The following L3MBTL4 variants were observed in gnomAD, a reference collection of about 807,000 sequenced individuals.
L3MBTL4 encodes L3MBTL histone methyl-lysine binding protein 4, also known as lethal(3)malignant brain tumor-like protein 4.
Under a neutral mutation model 84.5 loss-of-function variants are expected in L3MBTL4, and 70 were observed. The ratio of observed to expected loss-of-function variants is 0.83; its 90% confidence interval spans 0.68 to 1.01. The LOEUF (loss-of-function observed/expected upper bound fraction) is 1.01, where lower values mean the gene tolerates loss of function less well. Among genes scored for constraint, L3MBTL4 ranks in the 50% least tolerant of loss-of-function variants. L3MBTL4 has a pLI of 0.00. For missense variants in L3MBTL4, 715 were observed against 754.8 expected (o/e 0.95, Z 0.62); for synonymous variants, 274 against 259.8 (o/e 1.05, Z -0.52).
chr18:6,302,302 C>T (rs946689933), intron 3 of L3MBTL4, among the ~76,000 whole-genome samples: 9 of 152,180 alleles, frequency 5.9e-5, no homozygotes, highest in South Asian at 2.1e-4. Flanking sequence ...TGGTCCTCAC[C>T]GAAGCCAAGC....
chr18:6,068,790 T>G (rs1598626893), intron 16 of L3MBTL4, among the ~76,000 whole-genome samples: 1 of 152,296 alleles, frequency 6.6e-6, no homozygotes, highest in Middle Eastern at 3.4e-3. Flanking sequence ...GTAGACTTTC[T>G]TTACTGCACC....
chr18:6,276,303 C>CTTAA lies in L3MBTL4; in HGVS notation c.128-12269_128-12266dup, dbSNP rs577408139. On this transcript the variant is annotated intron_variant, in intron 4 of 18. Coordinates refer to ENST00000317931, the MANE Select transcript of L3MBTL4 (RefSeq NM_001330559.2). ...CATCAGGACCTCCTGAGGGCGCAGC[C>CTTAA]TTAACCTTGGCAAAATAATTTTTAA... is the stretch of plus-strand genomic sequence containing the variant. Among the ~76,000 whole-genome samples, 283 of 152,320 alleles carry CTTAA rather than the reference C, an allele frequency of 1.9e-3. 1 individual carries two copies. Among genetic ancestry groups the CTTAA allele is most frequent in the Non-Finnish European group, 3.3e-3 (224 of 68,022 alleles).
Position 6,048,807 on chromosome 18 carries a change from A to T in L3MBTL4, c.1444+32074T>A, listed in dbSNP as rs968870719. On this transcript the variant is annotated intron_variant, in intron 16 of 18. Transcript: ENST00000317931. ...CCATCTCAAAAAAAAAAAAAATCCC[A>T]AACAGCATGGTACTGGTACAGTGTA... 2.7e-5 allele frequency among the ~76,000 whole-genome samples: 4 copies of T among 146,704 alleles called. No individual in the cohort carries two copies. In the South Asian group the frequency reaches 8.7e-4, roughly 32 times the overall value.
intron 1 of L3MBTL4, among the ~76,000 whole-genome samples, chr18:6,321,613 G>A (rs2051406357): frequency 6.6e-6 from 1 of 152,134 alleles, no homozygotes. Context: ...GTTTATTGAA[G>A]CACAATTCAC....
At chr18:6,127,434 G>T (rs2059730376) in intron 14 of L3MBTL4, among the ~76,000 whole-genome samples, 1 of 152,136 alleles carries the variant, frequency 6.6e-6, no homozygotes, top group African/African-American at 2.4e-5. Flanking sequence ...TTATTGTGAT[G>T]ACTTAGAACA....
At chr18:5,962,627 G>C (rs2095269194) in intron 17 of L3MBTL4, among the ~76,000 whole-genome samples, 3 of 152,200 alleles carry the variant, frequency 2.0e-5, no homozygotes, top group Non-Finnish European at 1.5e-5. Flanking sequence ...AATGGAGTTG[G>C]ATTGGGTCCA....
At chr18:6,175,243 A>G (rs1020880638) in intron 12 of L3MBTL4, among the ~76,000 whole-genome samples, 3 of 152,326 alleles carry the variant, frequency 2.0e-5, no homozygotes, top group Non-Finnish European at 4.4e-5. Flanking sequence ...CCTTCTCACC[A>G]GAAACAGTGC....
At chr18:6,315,054 T>C (rs1428433862) in intron 1 of L3MBTL4, among the ~76,000 whole-genome samples, 1 of 152,198 alleles carries the variant, frequency 6.6e-6, no homozygotes, top group Non-Finnish European at 1.5e-5. Context: ...GTAAGAAATA[T>C]ACATAAATGA....
chr18:6,213,195 A>G lies in L3MBTL4; in HGVS notation c.935T>C (p.Leu312Ser). Residue 312 changes from leucine (L) to serine (S), a missense_variant, in exon 12 of 19, where the codon TTA becomes TCA. Transcript: ENST00000317931. ...ATCTACAATCGTAGCAACACGAATTAACCTGGGGTTCCGTTTATCCACAAC... is the reference window on the plus strand; with the variant it reads ...ATCTACAATCGTAGCAACACGAATTGACCTGGGGTTCCGTTTATCCACAAC... ...LEVVDKRNPRLIRVATIVDVD... is the reference protein window; with the variant it reads ...LEVVDKRNPRSIRVATIVDVD... 6.2e-7 allele frequency: 1 copy of G among 1,611,312 alleles called. No homozygotes were observed. The highest frequency in any genetic ancestry group is 8.5e-7 in the Non-Finnish European group (1 of 1,179,008).
At chr18:6,196,195 T>C (rs1792769381) in intron 12 of L3MBTL4, among the ~76,000 whole-genome samples, 1 of 148,436 alleles carries the variant, frequency 6.7e-6, no homozygotes, top group South Asian at 2.1e-4. Context: ...TCTCGCTCTG[T>C]TGCCCAGGCT....
chr18:6,315,708 C>A (rs897514908), intron 1 of L3MBTL4, among the ~76,000 whole-genome samples: 6 of 152,112 alleles, frequency 3.9e-5, no homozygotes, highest in African/African-American at 1.4e-4. Context: ...AAATCCTTGC[C>A]ACACACAATG....
chr18:5,970,143 G>A lies in L3MBTL4; in HGVS notation c.1445-581C>T, dbSNP rs577464958. 9.0e-4 allele frequency among the ~76,000 whole-genome samples: 137 copies of A among 152,304 alleles called. No individual in the cohort carries two copies. The South Asian group carries it at 0.027, about 30-fold the overall frequency. ...GCTGCTGCTGCAGATCCCCAGCAGC[G>A]CACCATGACCTCACCTGGGGTGACA... is the stretch of plus-strand genomic sequence containing the variant. On this transcript the variant is annotated intron_variant, in intron 16 of 18. Coordinates refer to ENST00000317931, the MANE Select transcript of L3MBTL4 (RefSeq NM_001330559.2).
At chr18:5,981,298 C>CTT (rs1230192395) in intron 16 of L3MBTL4, among the ~76,000 whole-genome samples, 1 of 152,176 alleles carries the variant, frequency 6.6e-6, no homozygotes, top group Admixed American at 6.5e-5. Flanking sequence ...ATTTCACAGA[C>CTT]TTCAGTCTTT....
chr18:6,203,791 G>A (rs888177681), intron 12 of L3MBTL4, among the ~76,000 whole-genome samples: 7 of 152,114 alleles, frequency 4.6e-5, no homozygotes, highest in Non-Finnish European at 1.0e-4. Flanking sequence ...CAGATTCTAC[G>A]TTTCTAACCA....
chr18:6,295,380 T>G (rs2050065950), intron 4 of L3MBTL4, among the ~76,000 whole-genome samples: 1 of 141,182 alleles, frequency 7.1e-6, no homozygotes, highest in Admixed American at 7.3e-5. Context: ...ATACAGCCTT[T>G]ATGAATACAA....
At chr18:6,190,930 A>T (rs2045049968) in intron 12 of L3MBTL4, among the ~76,000 whole-genome samples, 1 of 152,206 alleles carries the variant, frequency 6.6e-6, no homozygotes, top group African/African-American at 2.4e-5. Context: ...CAACATGTGT[A>T]GGAAAAGCAA....
At chr18:6,195,244 C>A (rs1302111425) in intron 12 of L3MBTL4, among the ~76,000 whole-genome samples, 2 of 152,118 alleles carry the variant, frequency 1.3e-5, no homozygotes. Context: ...CAGGGTCTGT[C>A]CTGGCAAACC....
At chr18:6,342,696 AAAAC>A (rs1257957793) in intron 1 of L3MBTL4, among the ~76,000 whole-genome samples, 1 of 152,190 alleles carries the variant, frequency 6.6e-6, no homozygotes, top group Non-Finnish European at 1.5e-5. Context: ...AACAGTGAAA[AAAAC>A]AATTACTGAA....
chr18:6,335,091 T>C (rs778578213), intron 1 of L3MBTL4, among the ~76,000 whole-genome samples: 1 of 152,184 alleles, frequency 6.6e-6, no homozygotes, highest in Non-Finnish European at 1.5e-5. Context: ...TTTATTTTAC[T>C]TTATTTATTC....
Sources: gnomAD v4.1 joint callset for allele counts (sites outside exome capture counted in the v4.1 genomes callset) on GRCh38, gnomAD v4.1.1 for gene constraint, MANE v1.5 for transcripts, NCBI Gene and HGNC (gene_info 2026-07-23, HGNC 2026-07-21) for gene names.